GREM1: variants seen among roughly 807,000 people sequenced by gnomAD.
GREM1 encodes gremlin 1, DAN family BMP antagonist.
Under a neutral mutation model 13.1 loss-of-function variants are expected in GREM1, and 6 were observed. That is an observed-to-expected ratio of 0.46 (90% CI 0.25 to 0.91). The LOEUF (loss-of-function observed/expected upper bound fraction) is 0.91, where lower values mean the gene tolerates loss of function less well. Ranked by LOEUF, GREM1 falls within the 40% of genes least tolerant of loss-of-function variation. The pLI, the probability that GREM1 is intolerant of heterozygous loss-of-function variation, is 0.18. For missense variants in GREM1, 185 were observed against 233.9 expected (o/e 0.79, Z 1.36); for synonymous variants, 98 against 93.7 (o/e 1.05, Z -0.27).
Position 32,718,107 on chromosome 15 carries a change from G to A in GREM1, c.-56G>A. On this transcript the variant is annotated 5_prime_UTR_variant, in exon 1 of 2. Coordinates refer to ENST00000651154, the MANE Select transcript of GREM1 (RefSeq NM_013372.7). ...AGCCCCGGCGGCTCTGGCCGCGGCC[G>A]CACTCAGCGCCACGCGTCGAAAGCG... 2 of 1,258,738 alleles carry A rather than the reference G, an allele frequency of 1.6e-6. No individual in the cohort carries two copies. The highest frequency in any genetic ancestry group is 2.0e-6 in the Non-Finnish European group (2 of 982,766). 78.0% of individuals were successfully genotyped at this position (1,258,738 alleles called of 1,614,324 possible).
chr15:32,744,958 C>T lies in GREM1; in HGVS notation c.*13713C>T, dbSNP rs1016164129. ...GTTAAAAACTTGATTTCGTAGATTG[C>T]TTTAAAATAAGAACAAAATGTACTT... is the stretch of plus-strand genomic sequence containing the variant. On this transcript the variant is annotated 3_prime_UTR_variant, in exon 2 of 2. Coordinates refer to ENST00000651154, the MANE Select transcript of GREM1 (RefSeq NM_013372.7). The T allele has an allele frequency of 2.0e-5, 3 of 152,112 alleles. No individual in the cohort carries two copies. Among genetic ancestry groups the T allele is most frequent in the Non-Finnish European group, 4.4e-5 (3 of 68,020 alleles). The allele number at this position is 152,112 out of a possible 1,614,324, so 9.4% of individuals were successfully genotyped here.
At position 32,744,652 on chromosome 15, in the gene GREM1, A is replaced by T. The variant is rs560284134; in HGVS notation, c.*13407A>T. 2.0e-5 allele frequency: 3 copies of T among 152,034 alleles called. No homozygotes were observed. The East Asian group carries it at 5.8e-4, about 29-fold the overall frequency. The allele number at this position is 152,034 out of a possible 1,614,324, so 9.4% of individuals were successfully genotyped here. Reference sequence around the variant, plus strand: ...TAGTGAATTCATAAATCGTCACTTAACTCAAGCAAAACAATGTTACTCTCT... The same window carrying T: ...TAGTGAATTCATAAATCGTCACTTATCTCAAGCAAAACAATGTTACTCTCT... On this transcript the variant is annotated 3_prime_UTR_variant, in exon 2 of 2. Coordinates refer to ENST00000651154, the MANE Select transcript of GREM1 (RefSeq NM_013372.7).
chr15:32,719,865 T>C (rs1205755236), intron 1 of GREM1, among the ~76,000 whole-genome samples: 1 of 152,108 alleles, frequency 6.6e-6, no homozygotes, highest in Non-Finnish European at 1.5e-5. Context: ...TCTCTTTTTT[T>C]GGAAGGAGGG....
At chr15:32,723,180 T>G (rs207475385) in intron 1 of GREM1, among the ~76,000 whole-genome samples, 1 of 152,236 alleles carries the variant, frequency 6.6e-6, no homozygotes, top group African/African-American at 2.4e-5. Flanking sequence ...TCAAGAAATG[T>G]ACATCTTCTG....
Position 32,728,998 on chromosome 15 carries a change from T to G in GREM1, c.-1-1692T>G, listed in dbSNP as rs532478054. On this transcript the variant is annotated intron_variant, in intron 1 of 1. Transcript: ENST00000651154. ...CTTAACAATATCCCCAGATATTGTC[T>G]GCACTTTCTTTTTTTTTTTCTTTCT... Among the ~76,000 whole-genome samples, 4 of 152,200 alleles carry G rather than the reference T, an allele frequency of 2.6e-5. No individual in the cohort carries two copies. The East Asian group carries it at 7.7e-4, about 29-fold the overall frequency.
Position 32,730,999 on chromosome 15 carries a change from C to A in GREM1, c.309C>A (p.Ile103=). 1 of 1,614,202 alleles carries A rather than the reference C, an allele frequency of 6.2e-7. No individual in the cohort carries two copies. The highest frequency in any genetic ancestry group is 1.1e-5 in the South Asian group (1 of 91,080). Residue 103 remains isoleucine (I), a synonymous_variant, in exon 2 of 2, where the codon ATC becomes ATA. Transcript: ENST00000651154. ...WCKTQPLKQT[I]HEEGCNSRTI... Reference sequence around the variant, plus strand: ...AAACCCAGCCGCTTAAGCAGACCATCCACGAGGAAGGCTGCAACAGTCGCA... The same window carrying A: ...AAACCCAGCCGCTTAAGCAGACCATACACGAGGAAGGCTGCAACAGTCGCA...
In GREM1 at chr15:32,732,582, C is replaced by T. The variant is rs2055639799; in HGVS notation, c.*1337C>T. 1 of 245,912 alleles carries T rather than the reference C, an allele frequency of 4.1e-6. No homozygotes were observed. Among genetic ancestry groups the T allele is most frequent in the Non-Finnish European group, 8.6e-6 (1 of 116,778 alleles). The allele number at this position is 245,912 out of a possible 1,614,324, so 15.2% of individuals were successfully genotyped here. On this transcript the variant is annotated 3_prime_UTR_variant, in exon 2 of 2. Coordinates refer to ENST00000651154, the MANE Select transcript of GREM1 (RefSeq NM_013372.7). ...CTGGTAGAGATGTAAGGGATATGACCTCCCTTTCTTTATGTGCTCACTGAG... is the reference window on the plus strand; with the variant it reads ...CTGGTAGAGATGTAAGGGATATGACTTCCCTTTCTTTATGTGCTCACTGAG...
chr15:32,743,112 T>C lies in GREM1; in HGVS notation c.*11867T>C, dbSNP rs1025723414. ...AGACACGGGGTGACATGAGACCACT[T>C]TGGCAAATCAGAATGCTCATTCCAT... is the stretch of plus-strand genomic sequence containing the variant. On this transcript the variant is annotated 3_prime_UTR_variant, in exon 2 of 2. Transcript: ENST00000651154. 1.3e-5 allele frequency: 2 copies of C among 152,246 alleles called. No individual in the cohort carries two copies. The highest frequency in any genetic ancestry group is 2.9e-5 in the Non-Finnish European group (2 of 68,036). The allele number at this position is 152,246 out of a possible 1,614,324, so 9.4% of individuals were successfully genotyped here. A position where few individuals can be genotyped will look rare whatever the true frequency, so the allele number is the denominator to read the frequency against.
rs1199676000 is a variant in GREM1 at position 32,735,784 on chromosome 15, AAAAG to A, written c.*4542_*4545del. On this transcript the variant is annotated 3_prime_UTR_variant, in exon 2 of 2. Coordinates refer to ENST00000651154, the MANE Select transcript of GREM1 (RefSeq NM_013372.7). The stretch of plus-strand genomic sequence containing the variant: ...CATTTCAAGCTTAAGAAAAAAAAAA[AAAAG>A]AAGAATGTGGGAGGATGTCAGCAAC... 1 of 151,580 alleles carries A rather than the reference AAAAG, an allele frequency of 6.6e-6. No homozygotes were observed. Among genetic ancestry groups the A allele is most frequent in the African/African-American group, 2.4e-5 (1 of 41,206 alleles). 9.4% of individuals were successfully genotyped at this position (151,580 alleles called of 1,614,324 possible).
Position 32,736,715 on chromosome 15 carries a change from T to G in GREM1, c.*5470T>G, listed in dbSNP as rs1232690059. 6.6e-6 allele frequency: 1 copy of G among 152,116 alleles called. No homozygotes were observed. Among genetic ancestry groups the G allele is most frequent in the Non-Finnish European group, 1.5e-5 (1 of 68,030 alleles). 9.4% of individuals were successfully genotyped at this position (152,116 alleles called of 1,614,324 possible). Reference sequence around the variant, plus strand: ...AAAATACAGACTTTACAGAATTAGTTCAGAAAAGTCATTAAACAAAGAAAC... The same window carrying G: ...AAAATACAGACTTTACAGAATTAGTGCAGAAAAGTCATTAAACAAAGAAAC... On this transcript the variant is annotated 3_prime_UTR_variant, in exon 2 of 2. Transcript: ENST00000651154.
At chr15:32,727,444 C>A (rs915995760) in intron 1 of GREM1, among the ~76,000 whole-genome samples, 1 of 152,158 alleles carries the variant, frequency 6.6e-6, no homozygotes, top group African/African-American at 2.4e-5. Flanking sequence ...AAATTCAACA[C>A]CCCTTCAATG....
At chr15:32,722,918 G>T (rs2055433540) in intron 1 of GREM1, among the ~76,000 whole-genome samples, 1 of 152,178 alleles carries the variant, frequency 6.6e-6, no homozygotes, top group African/African-American at 2.4e-5. Flanking sequence ...TTGAAAAGAA[G>T]ATATACTGTC....
chr15:32,718,156 T>C lies in GREM1; in HGVS notation c.-7T>C. On this transcript the variant is annotated 5_prime_UTR_variant, in exon 1 of 2. Coordinates refer to ENST00000651154, the MANE Select transcript of GREM1 (RefSeq NM_013372.7). ...CGCAGGCCCCGAGGACCCGCCGCAC[T>C]GACAGGTGAGCGCGGACGCACCCGG... The C allele has an allele frequency of 7.5e-7, 1 of 1,328,310 alleles. No individual in the cohort carries two copies. Among genetic ancestry groups the C allele is most frequent in the Non-Finnish European group, 9.9e-7 (1 of 1,011,432 alleles). The allele number at this position is 1,328,310 out of a possible 1,614,324, so 82.3% of individuals were successfully genotyped here. A position where few individuals can be genotyped will look rare whatever the true frequency, so the allele number is the denominator to read the frequency against.
At chr15:32,722,946 G>A (rs971804304) in intron 1 of GREM1, among the ~76,000 whole-genome samples, 12 of 152,180 alleles carry the variant, frequency 7.9e-5, no homozygotes, top group Non-Finnish European at 1.6e-4. Flanking sequence ...AAGAATCAAC[G>A]GAGATGTCAG....
rs78428707 is a variant in GREM1 at position 32,722,842 on chromosome 15, A to T, written c.-2+4681A>T. ...TGGTGGACAGTTGCAAAGAAAACTC[A>T]TGATGAGAATAACATCACATTTCTT... On this transcript the variant is annotated intron_variant, in intron 1 of 1. Transcript: ENST00000651154. Among the ~76,000 whole-genome samples the T allele has an allele frequency of 5.1e-4, 78 of 152,354 alleles. No individual in the cohort carries two copies. In the East Asian group the frequency reaches 0.015, roughly 29 times the overall value.
Position 32,734,569 on chromosome 15 carries a change from A to G in GREM1, c.*3324A>G, listed in dbSNP as rs2055672679. On this transcript the variant is annotated 3_prime_UTR_variant, in exon 2 of 2. Coordinates refer to ENST00000651154, the MANE Select transcript of GREM1 (RefSeq NM_013372.7). ...GTCTCATAAAACTAATTTGGCTTCA[A>G]GTTTCATGAATCTGTAACTAGAATT... 8.1e-6 allele frequency: 2 copies of G among 247,192 alleles called. No individual in the cohort carries two copies. The highest frequency in any genetic ancestry group is 4.4e-5 in the African/African-American group (2 of 45,318). 15.3% of individuals were successfully genotyped at this position (247,192 alleles called of 1,614,324 possible).
At position 32,730,359 on chromosome 15, in the gene GREM1, A is replaced by T. The variant is rs189136449; in HGVS notation, c.-1-331A>T. Among the ~76,000 whole-genome samples, 2,666 of 152,312 alleles carry T rather than the reference A, an allele frequency of 0.018. 154 individuals carry two copies. The East Asian group carries it at 0.21, about 12-fold the overall frequency. ...ACAAAATAGAAAATAAGTTCCCCTC[A>T]ATAAGTGAACGTAATACAAAGACAA... On this transcript the variant is annotated intron_variant, in intron 1 of 1. Coordinates refer to ENST00000651154, the MANE Select transcript of GREM1 (RefSeq NM_013372.7).
rs182839556 is a variant in GREM1, at chr15:32,738,893, C to T, written c.*7648C>T. On this transcript the variant is annotated 3_prime_UTR_variant, in exon 2 of 2. Transcript: ENST00000651154. ...GGCTGAGGCATGAGGATCACTTGAG[C>T]CCAGAAGATTGTACCACTGCACTCC... 3.3e-5 allele frequency: 5 copies of T among 152,234 alleles called. No individual in the cohort carries two copies. The East Asian group carries it at 7.7e-4, about 24-fold the overall frequency. The allele number at this position is 152,234 out of a possible 1,614,324, so 9.4% of individuals were successfully genotyped here. A position where few individuals can be genotyped will look rare whatever the true frequency, so the allele number is the denominator to read the frequency against.
At position 32,739,194 on chromosome 15, in the gene GREM1, T is replaced by G. The variant is rs894837631; in HGVS notation, c.*7949T>G. On this transcript the variant is annotated 3_prime_UTR_variant, in exon 2 of 2. Coordinates refer to ENST00000651154, the MANE Select transcript of GREM1 (RefSeq NM_013372.7). ...AAGAACTGCTACCCTGAAAGAATTG[T>G]TGTAAGGCAAATACCCCTGTAATTA... is the stretch of plus-strand genomic sequence containing the variant. The G allele has an allele frequency of 4.6e-5, 7 of 152,226 alleles. No homozygotes were observed. The highest frequency in any genetic ancestry group is 1.7e-4 in the African/African-American group (7 of 41,460). 9.4% of individuals were successfully genotyped at this position (152,226 alleles called of 1,614,324 possible).
Sources: gnomAD v4.1 joint callset for allele counts (sites outside exome capture counted in the v4.1 genomes callset) on GRCh38, gnomAD v4.1.1 for gene constraint, MANE v1.5 for transcripts, NCBI Gene and HGNC (gene_info 2026-07-23, HGNC 2026-07-21) for gene names.